ROBO1: variants seen among roughly 807,000 people sequenced by gnomAD.
The protein encoded by ROBO1 is roundabout homolog 1.
Under a neutral mutation model 195.9 loss-of-function variants are expected in ROBO1, and 149 were observed. That is an observed-to-expected ratio of 0.76 (90% confidence interval 0.67 to 0.87). The LOEUF is 0.87. Ranked by LOEUF, ROBO1 falls within the 40% of genes least tolerant of loss-of-function variation. ROBO1 has a pLI of 0.00. For missense variants in ROBO1, 1,933 were observed against 2,068.3 expected (o/e 0.93, Z 1.27); for synonymous variants, 816 against 733.2 (o/e 1.11, Z -1.82).
rs115114077 is a variant in ROBO1 at position 79,269,950 on chromosome 3, A to G, written c.89-144411T>C. ...AATGATACTGAAATAGATGTATCCAAATTATTTCCTCAAAGAGGAAAATCT... is the reference window on the plus strand; with the variant it reads ...AATGATACTGAAATAGATGTATCCAGATTATTTCCTCAAAGAGGAAAATCT... On this transcript the variant is annotated intron_variant, in intron 2 of 30. Transcript: ENST00000464233. Among the ~76,000 whole-genome samples, 636 of 151,936 alleles carry G rather than the reference A, an allele frequency of 4.2e-3. 4 individuals are homozygous for G. The highest frequency in any genetic ancestry group is 7.2e-3 in the Admixed American group (109 of 15,200).
chr3:78,884,700 G>C (rs1034248122), intron 4 of ROBO1, among the ~76,000 whole-genome samples: 17 of 142,590 alleles, frequency 1.2e-4, no homozygotes, highest in Non-Finnish European at 2.4e-4. Flanking sequence ...AGGAAGGAAG[G>C]AAGGAAAGAA....
chr3:79,318,860 A>G (rs2109120886), intron 2 of ROBO1, among the ~76,000 whole-genome samples: 1 of 152,300 alleles, frequency 6.6e-6, no homozygotes, highest in Non-Finnish European at 1.5e-5. Context: ...GAACCACACT[A>G]TCTGTTTTTA....
intron 1 of ROBO1, among the ~76,000 whole-genome samples, chr3:79,714,178 G>A (rs1486363363): frequency 6.6e-6 from 1 of 152,080 alleles, no homozygotes. Flanking sequence ...CCATCAAAAA[G>A]TGGGAGAAGG....
intron 3 of ROBO1, among the ~76,000 whole-genome samples, chr3:79,069,920 T>C (rs1372965493): frequency 6.6e-6 from 1 of 151,916 alleles, no homozygotes; most frequent in East Asian, 1.9e-4. Context: ...CATTATGTTT[T>C]TTCTTTCTTT....
chr3:79,300,190 G>T (rs1009984734), intron 2 of ROBO1, among the ~76,000 whole-genome samples: 7 of 152,192 alleles, frequency 4.6e-5, no homozygotes, highest in Non-Finnish European at 7.3e-5. Context: ...GGCCGAGCCG[G>T]CTCCCTCAGC....
intron 1 of ROBO1, among the ~76,000 whole-genome samples, chr3:79,653,583 A>G (rs1946076686): frequency 6.6e-6 from 1 of 152,028 alleles, no homozygotes; most frequent in South Asian, 2.1e-4. Context: ...CAAGATGAGA[A>G]TATTTGCATT....
rs575353225 is a variant in ROBO1 at position 78,805,040 on chromosome 3, C to A, written c.500-58140G>T. The stretch of plus-strand genomic sequence containing the variant: ...GTGCCTGTTTATTAAATGCCCCTTT[C>A]CAAGTAACTATTGACTGTTGGAACT... On this transcript the variant is annotated intron_variant, in intron 4 of 30. Coordinates refer to ENST00000464233, the MANE Select transcript of ROBO1 (RefSeq NM_002941.4). 3.3e-5 allele frequency among the ~76,000 whole-genome samples: 5 copies of A among 152,186 alleles called. No individual in the cohort carries two copies. In the East Asian group the frequency reaches 7.8e-4, roughly 24 times the overall value.
At chr3:79,164,127 G>A (rs1410603895) in intron 2 of ROBO1, among the ~76,000 whole-genome samples, 1 of 152,002 alleles carries the variant, frequency 6.6e-6, no homozygotes, top group Admixed American at 6.6e-5. Flanking sequence ...AAGGGTGGGG[G>A]AACTAAAACA....
At chr3:79,381,130 G>A (rs1215632503) in intron 2 of ROBO1, among the ~76,000 whole-genome samples, 1 of 151,946 alleles carries the variant, frequency 6.6e-6, no homozygotes, top group East Asian at 1.9e-4. Flanking sequence ...AGGCTGAGGC[G>A]GGTGGATCAC....
At chr3:79,680,408 T>G (rs1381944136) in intron 1 of ROBO1, among the ~76,000 whole-genome samples, 1 of 152,040 alleles carries the variant, frequency 6.6e-6, no homozygotes, top group Non-Finnish European at 1.5e-5. Flanking sequence ...AATGAAAATT[T>G]TCTGATTACT....
chr3:79,148,327 G>C (rs1199269002), intron 2 of ROBO1, among the ~76,000 whole-genome samples: 1 of 151,804 alleles, frequency 6.6e-6, no homozygotes, highest in Non-Finnish European at 1.5e-5. Context: ...ATTATAAAAA[G>C]TATACCATTT....
At chr3:79,326,693 G>A (rs906765686) in intron 2 of ROBO1, among the ~76,000 whole-genome samples, 4 of 152,036 alleles carry the variant, frequency 2.6e-5, no homozygotes, top group African/African-American at 4.8e-5. Context: ...CCTCTCTGTC[G>A]GGGACACTGG....
intron 8 of ROBO1, among the ~76,000 whole-genome samples, chr3:78,696,892 T>C (rs78121877): frequency 8.5e-4 from 129 of 152,008 alleles, no homozygotes; most frequent in African/African-American, 3.1e-3. Context: ...ATTTTTGCAA[T>C]TAAAAAGTAT....
chr3:78,753,751 T>C (rs1158081750), intron 4 of ROBO1, among the ~76,000 whole-genome samples: 1 of 152,110 alleles, frequency 6.6e-6, no homozygotes, highest in African/African-American at 2.4e-5. Context: ...GTGTTCTCAT[T>C]AGAATCAACA....
At chr3:79,111,051 T>C (rs923462349) in intron 3 of ROBO1, among the ~76,000 whole-genome samples, 15 of 152,168 alleles carry the variant, frequency 9.9e-5, no homozygotes, top group Non-Finnish European at 1.9e-4. Context: ...CTCAGTGATT[T>C]CTACAATAGA....
At chr3:78,844,249 G>C (rs1189580456) in intron 4 of ROBO1, among the ~76,000 whole-genome samples, 2 of 152,022 alleles carry the variant, frequency 1.3e-5, no homozygotes, top group Admixed American at 1.3e-4. Flanking sequence ...ACTAAACGGA[G>C]GCCTTCTCCT....
chr3:79,588,171 C>T (rs1313837741), intron 2 of ROBO1, among the ~76,000 whole-genome samples: 1 of 151,724 alleles, frequency 6.6e-6, no homozygotes, highest in South Asian at 2.1e-4. Context: ...TGTAGATTTA[C>T]AAGTATTTGC....
intron 1 of ROBO1, among the ~76,000 whole-genome samples, chr3:79,689,648 T>A (rs2107064765): frequency 6.6e-6 from 1 of 152,142 alleles, no homozygotes. Context: ...TAAAATTAGT[T>A]AAATAGTTAT....
intron 3 of ROBO1, among the ~76,000 whole-genome samples, chr3:79,045,451 TAAACCTTAATAATTATAGAG>T (rs1195384693): frequency 9.9e-5 from 15 of 152,020 alleles, no homozygotes; most frequent in Non-Finnish European, 1.8e-4. Flanking sequence ...TTGGTTTTAG[TAAACCTTAATAATTATAGAG>T]AAACATATGG....
Sources: allele counts gnomAD v4.1 joint callset (sites outside exome capture counted in the v4.1 genomes callset), GRCh38; gene constraint gnomAD v4.1.1; transcripts MANE v1.5; gene names NCBI Gene and HGNC (gene_info 2026-07-23, HGNC 2026-07-21).